Variants in TMEM131 observed in about 807,000 individuals in gnomAD.
TMEM131 encodes the protein transmembrane protein 131.
Under a neutral mutation model 211.6 loss-of-function variants are expected in TMEM131, and 66 were observed. That is an observed-to-expected ratio of 0.31 (90% CI 0.26 to 0.38). The LOEUF (loss-of-function observed/expected upper bound fraction) is 0.38, where lower values mean the gene tolerates loss of function less well. TMEM131 is among the 10% of genes least tolerant of loss of function. TMEM131 has a pLI of 1.00. For missense variants in TMEM131, 2,036 were observed against 2,299.3 expected, an observed-to-expected ratio of 0.89 and a Z score of 2.34; for synonymous variants, 844 against 841.3, an observed-to-expected ratio of 1.00 and a Z score of -0.06.
intron 11 of TMEM131, among the ~76,000 whole-genome samples, chr2:97,819,623 CTT>C (rs1682014146): frequency 6.6e-6 from 1 of 152,264 alleles, no homozygotes; most frequent in South Asian, 2.1e-4. Flanking sequence ...GTATACAACT[CTT>C]GATTAAAAAA....
At position 97,811,239 on chromosome 2, in the gene TMEM131, ATAG is replaced by A. The variant is rs1681534983; in HGVS notation, c.1864-10_1864-8del. On this transcript the variant is annotated splice_region_variant and splice_polypyrimidine_tract_variant and intron_variant, in intron 17 of 40. Transcript: ENST00000186436. The stretch of plus-strand genomic sequence containing the variant: ...AGCCTGAAGCTAATGTTACCTGTAG[ATAG>A]TAGAAATGGTATCATTCATTAGCCT... The A allele has an allele frequency of 6.2e-7, 1 of 1,602,012 alleles. No individual in the cohort carries two copies. Among genetic ancestry groups the A allele is most frequent in the African/African-American group, 1.3e-5 (1 of 74,668 alleles).
At chr2:97,975,479 AG>A (rs1394017113) in intron 1 of TMEM131, among the ~76,000 whole-genome samples, 2 of 152,040 alleles carry the variant, frequency 1.3e-5, no homozygotes, top group Non-Finnish European at 2.9e-5. Flanking sequence ...AAAGATAGTA[AG>A]GGAACATTAT....
intron 33 of TMEM131, among the ~76,000 whole-genome samples, chr2:97,769,818 T>C (rs904720937): frequency 1.3e-5 from 2 of 152,180 alleles, no homozygotes; most frequent in Admixed American, 6.5e-5. Flanking sequence ...AGACTACAGT[T>C]TTCCGGAGGT....
intron 1 of TMEM131, among the ~76,000 whole-genome samples, chr2:97,976,584 C>A (rs1679546069): frequency 6.6e-6 from 1 of 152,150 alleles, no homozygotes; most frequent in Admixed American, 6.5e-5. Context: ...GTTCCCCCCA[C>A]AAATTCATCT....
At chr2:97,888,214 GCCATTTT>G in intron 3 of TMEM131, 94 bp from the exon 4 acceptor site, 1 of 1,004,228 alleles carries the variant, frequency 1.0e-6, no homozygotes, top group South Asian at 1.9e-5. Context: ...TCATAACAAT[GCCATTTT>G]AAGAAAAATT....
intron 2 of TMEM131, among the ~76,000 whole-genome samples, chr2:97,918,454 T>C (rs2104408712): frequency 6.6e-6 from 1 of 152,248 alleles, no homozygotes; most frequent in Admixed American, 6.5e-5. Context: ...ACAAATGAAT[T>C]TAAACCTAAT....
At chr2:97,912,196 T>C (rs1204408811) in intron 2 of TMEM131, among the ~76,000 whole-genome samples, 1 of 152,118 alleles carries the variant, frequency 6.6e-6, no homozygotes, top group Non-Finnish European at 1.5e-5. Flanking sequence ...ACATAAAAAC[T>C]GTTATAATTC....
At chr2:97,805,953 T>C (rs961293864) in intron 19 of TMEM131, among the ~76,000 whole-genome samples, 6 of 152,214 alleles carry the variant, frequency 3.9e-5, no homozygotes, top group African/African-American at 9.7e-5. Flanking sequence ...TGACAACTGA[T>C]TGACGTTAAC....
At chr2:97,796,170 G>T in intron 28 of TMEM131, 48 bp downstream of exon 28, 2 of 1,139,580 alleles carry the variant, frequency 1.8e-6, no homozygotes, top group Non-Finnish European at 2.5e-6. Flanking sequence ...TTTGCACAGA[G>T]TTTGAGGAAA....
rs1278912128 is a variant in TMEM131, at chr2:97,814,150, T to C, written c.1447-9A>G. ...TTGCTGAAGTTGTGAACCTGAGAAA[T>C]GACAGAAGAGAAAAAAAACAAAGTG... On this transcript the variant is annotated splice_polypyrimidine_tract_variant and intron_variant, in intron 14 of 40. Transcript: ENST00000186436. The C allele has an allele frequency of 1.9e-6, 3 of 1,611,778 alleles. No individual in the cohort carries two copies. The highest frequency in any genetic ancestry group is 2.2e-5 in the South Asian group (2 of 90,678).
At chr2:97,846,742 A>G (rs183160337) in intron 5 of TMEM131, among the ~76,000 whole-genome samples, 4 of 152,222 alleles carry the variant, frequency 2.6e-5, no homozygotes, top group Admixed American at 2.0e-4. Context: ...TCTTCTTCCA[A>G]TGTGCCCCAG....
At chr2:97,975,811 GA>G (rs11355341) in intron 1 of TMEM131, among the ~76,000 whole-genome samples, 55,132 of 132,142 alleles carry the variant, frequency 0.42, 10,845 homozygotes, top group Non-Finnish European at 0.44. Context: ...GGTATTACAA[GA>G]AAAAAAAAAA....
chr2:97,953,166 G>A (rs1481446876), intron 1 of TMEM131, among the ~76,000 whole-genome samples: 2 of 152,000 alleles, frequency 1.3e-5, no homozygotes, highest in East Asian at 1.9e-4. Context: ...TCATACTGAC[G>A]GTTAAAACAA....
intron 1 of TMEM131, among the ~76,000 whole-genome samples, chr2:97,946,156 T>C (rs1008748292): frequency 6.6e-6 from 1 of 151,846 alleles, no homozygotes; most frequent in African/African-American, 2.4e-5. Flanking sequence ...GGTATATCCA[T>C]ACAGTTATCT....
chr2:97,976,045 G>T (rs1161390753), intron 1 of TMEM131, among the ~76,000 whole-genome samples: 4 of 152,002 alleles, frequency 2.6e-5, no homozygotes, highest in African/African-American at 9.7e-5. Context: ...AGACATAAAA[G>T]AACCTCCTCA....
intron 2 of TMEM131, among the ~76,000 whole-genome samples, chr2:97,920,245 T>C (rs1366822234): frequency 6.6e-6 from 1 of 152,070 alleles, no homozygotes; most frequent in Admixed American, 6.6e-5. Context: ...CCTAATTCTG[T>C]CTCAGGATCT....
At position 97,944,162 on chromosome 2, in the gene TMEM131, C is replaced by A. The variant is rs139339300; in HGVS notation, c.188-16675G>T. Among the ~76,000 whole-genome samples, 698 of 152,186 alleles carry A rather than the reference C, an allele frequency of 4.6e-3. 4 individuals carry two copies. Among genetic ancestry groups the A allele is most frequent in the Non-Finnish European group, 8.3e-3 (566 of 68,004 alleles). Reference sequence around the variant, plus strand: ...ATAGAACTGACAGTCCAGAAACAAACCCTCGCATTTATGGCCAATTGATTT... The same window carrying A: ...ATAGAACTGACAGTCCAGAAACAAAACCTCGCATTTATGGCCAATTGATTT... On this transcript the variant is annotated intron_variant, in intron 1 of 40. Transcript: ENST00000186436.
intron 31 of TMEM131, among the ~76,000 whole-genome samples, chr2:97,777,262 G>A (rs1176957484): frequency 6.6e-6 from 1 of 152,186 alleles, no homozygotes; most frequent in Non-Finnish European, 1.5e-5. Flanking sequence ...CAGTCTGTAC[G>A]GGTCATAATT....
At chr2:97,794,003 A>AC (rs1680634958) in intron 29 of TMEM131, among the ~76,000 whole-genome samples, 1 of 149,886 alleles carries the variant, frequency 6.7e-6, no homozygotes, top group African/African-American at 2.5e-5. Context: ...CAAAAAAAAA[A>AC]AAAAAAAAAA....
Sources: allele counts gnomAD v4.1 joint callset (sites outside exome capture counted in the v4.1 genomes callset), GRCh38; gene constraint gnomAD v4.1.1; transcripts MANE v1.5; gene names NCBI Gene and HGNC (gene_info 2026-07-23, HGNC 2026-07-21).